LRP1B: variants seen among roughly 807,000 people sequenced by gnomAD.
LRP1B encodes the protein low-density lipoprotein receptor-related protein 1B.
Under a neutral mutation model 556.6 loss-of-function variants are expected in LRP1B, and 217 were observed. The observed-to-expected ratio is 0.39, with a 90% CI of 0.35 to 0.44. The LOEUF (loss-of-function observed/expected upper bound fraction) is 0.44. Among genes scored for constraint, LRP1B ranks in the 20% least tolerant of loss-of-function variants. LRP1B has a pLI of 1.00. For missense variants in LRP1B, 5,053 were observed against 5,620.8 expected (o/e 0.90, Z 3.23); for synonymous variants, 2,047 against 1,865.8 (o/e 1.10, Z -2.50).
intron 86 of LRP1B, among the ~76,000 whole-genome samples, chr2:140,268,865 G>A (rs868453361): frequency 4.6e-5 from 7 of 151,276 alleles, no homozygotes; most frequent in East Asian, 2.0e-4. Context: ...GGCAGTTCTC[G>A]GTAAAATTTT....
intron 3 of LRP1B, among the ~76,000 whole-genome samples, chr2:141,362,892 A>G (rs1688883877): frequency 6.6e-6 from 1 of 152,010 alleles, no homozygotes; most frequent in South Asian, 2.1e-4. Flanking sequence ...TCATTCATTC[A>G]TTTATTAATT....
At chr2:140,462,055 T>A (rs1303843424) in intron 60 of LRP1B, among the ~76,000 whole-genome samples, 1 of 152,188 alleles carries the variant, frequency 6.6e-6, no homozygotes, top group African/African-American at 2.4e-5. Flanking sequence ...TAAGGTCAAC[T>A]TATGCTTCAC....
chr2:140,915,578 G>C (rs1174496991), intron 21 of LRP1B, among the ~76,000 whole-genome samples: 1 of 151,584 alleles, frequency 6.6e-6, no homozygotes, highest in Non-Finnish European at 1.5e-5. Flanking sequence ...CTTGAACCTG[G>C]GGGTTGGAGG....
intron 6 of LRP1B, among the ~76,000 whole-genome samples, chr2:141,205,039 G>A (rs1682211048): frequency 6.6e-6 from 1 of 152,080 alleles, no homozygotes; most frequent in Non-Finnish European, 1.5e-5. Flanking sequence ...ATCTTAGATT[G>A]AAAATCACCT....
chr2:141,184,501 C>A (rs191723440), intron 7 of LRP1B, among the ~76,000 whole-genome samples: 1 of 151,824 alleles, frequency 6.6e-6, no homozygotes, highest in Admixed American at 6.6e-5. Flanking sequence ...AGAAACTGAA[C>A]GCACAGGCCT....
intron 1 of LRP1B, among the ~76,000 whole-genome samples, chr2:142,126,008 G>T (rs1041075451): frequency 5.3e-5 from 8 of 151,842 alleles, no homozygotes; most frequent in African/African-American, 1.9e-4. Context: ...GAGTTTGGCT[G>T]AGCATATATT....
At chr2:141,644,348 G>C (rs1689467960) in intron 2 of LRP1B, among the ~76,000 whole-genome samples, 1 of 151,932 alleles carries the variant, frequency 6.6e-6, no homozygotes, top group South Asian at 2.1e-4. Flanking sequence ...CCTCGCATAA[G>C]ATCTCTCTCT....
At chr2:141,443,554 G>T (rs1359687788) in intron 3 of LRP1B, among the ~76,000 whole-genome samples, 1 of 152,006 alleles carries the variant, frequency 6.6e-6, no homozygotes, top group Non-Finnish European at 1.5e-5. Flanking sequence ...GGGTTTTTAT[G>T]GTTTTAGGTC....
intron 2 of LRP1B, among the ~76,000 whole-genome samples, chr2:141,639,379 C>A (rs867580282): frequency 2.7e-5 from 2 of 73,680 alleles, no homozygotes; most frequent in Admixed American, 1.6e-4. Context: ...TATATATACA[C>A]ATATATATAT....
intron 2 of LRP1B, among the ~76,000 whole-genome samples, chr2:141,647,243 G>A (rs1333650255): frequency 6.6e-6 from 1 of 152,144 alleles, no homozygotes; most frequent in Admixed American, 6.6e-5. Context: ...TGGCATTCTA[G>A]TCAATCTACT....
chr2:140,396,455 G>A (rs953923626), intron 66 of LRP1B, among the ~76,000 whole-genome samples: 3 of 152,092 alleles, frequency 2.0e-5, no homozygotes, highest in African/African-American at 7.2e-5. Flanking sequence ...GGAGTGAGGC[G>A]ATGAAGCAAG....
chr2:140,275,890 AATAAT>A (rs1301257289), intron 84 of LRP1B, among the ~76,000 whole-genome samples: 2 of 151,988 alleles, frequency 1.3e-5, no homozygotes, highest in African/African-American at 4.8e-5. Flanking sequence ...AAGACTATTT[AATAAT>A]ATAACAACCA....
At chr2:141,228,048 T>C (rs559834741) in intron 6 of LRP1B, among the ~76,000 whole-genome samples, 2 of 152,140 alleles carry the variant, frequency 1.3e-5, no homozygotes, top group East Asian at 3.9e-4. Context: ...TGGCTCAACC[T>C]CCCAAGTAGC....
chr2:140,597,062 A>G, intron 43 of LRP1B, among the ~76,000 whole-genome samples: 1 of 152,300 alleles, frequency 6.6e-6, no homozygotes, highest in Non-Finnish European at 1.5e-5. Flanking sequence ...TGCTCATTTT[A>G]TTAACAAAAA....
intron 3 of LRP1B, among the ~76,000 whole-genome samples, chr2:141,461,160 G>A (rs551728764): frequency 5.9e-5 from 9 of 152,252 alleles, no homozygotes; most frequent in African/African-American, 2.2e-4. Context: ...TGCATAAGGG[G>A]AAATGGGAAA....
intron 1 of LRP1B, among the ~76,000 whole-genome samples, chr2:142,078,811 G>T (rs1034450407): frequency 6.6e-6 from 1 of 152,026 alleles, no homozygotes; most frequent in Non-Finnish European, 1.5e-5. Flanking sequence ...TGGTAATCTA[G>T]ATAGCACATA....
At chr2:140,468,740 T>A (rs72899866) in intron 60 of LRP1B, among the ~76,000 whole-genome samples, 24,371 of 152,296 alleles carry the variant, frequency 0.16, 2,354 homozygotes, top group Non-Finnish European at 0.22. Flanking sequence ...GCTTTCCCCT[T>A]CTTCTGAGCT....
At chr2:140,249,995 A>G (rs1373694693) in intron 86 of LRP1B, among the ~76,000 whole-genome samples, 1 of 151,770 alleles carries the variant, frequency 6.6e-6, no homozygotes, top group Non-Finnish European at 1.5e-5. Flanking sequence ...TCTGGCATCT[A>G]TCTCTTTTTT....
At chr2:141,122,549 G>A (rs1701086673) in intron 7 of LRP1B, among the ~76,000 whole-genome samples, 1 of 152,024 alleles carries the variant, frequency 6.6e-6, no homozygotes, top group Non-Finnish European at 1.5e-5. Flanking sequence ...ACCACAATGA[G>A]ATACCATCTC....
Sources: allele counts gnomAD v4.1 joint callset (sites outside exome capture counted in the v4.1 genomes callset), GRCh38; gene constraint gnomAD v4.1.1; transcripts MANE v1.5; gene names NCBI Gene and HGNC (gene_info 2026-07-23, HGNC 2026-07-21).